Variants in GNG7 observed in about 807,000 individuals in gnomAD.
GNG7 encodes G protein subunit gamma 7.
Under a neutral mutation model 4.0 loss-of-function variants are expected in GNG7, and 1 was observed. That is an observed-to-expected ratio of 0.25 (90% CI 0.09 to 1.18). GNG7 has a LOEUF of 1.18. Among genes scored for constraint, GNG7 ranks in the 50% most tolerant of loss-of-function variants. GNG7 has a pLI of 0.50. For missense variants in GNG7, 86 were observed against 91.9 expected (o/e 0.94, Z 0.26); for synonymous variants, 34 against 36.9 (o/e 0.92, Z 0.29).
chr19:2,574,312 A>G (rs777387125), intron 2 of GNG7, among the ~76,000 whole-genome samples: 12 of 152,024 alleles, frequency 7.9e-5, no homozygotes, highest in Non-Finnish European at 1.5e-4. Context: ...TTGTGCCGCC[A>G]TCACCACCAT....
At position 2,546,100 on chromosome 19, in the gene GNG7, C is replaced by T. The variant is rs1029869215; in HGVS notation, c.-38+9049G>A. On this transcript the variant is annotated intron_variant, in intron 3 of 4. Transcript: ENST00000382159. The surrounding 1 kb of genome is among the most constrained non-coding windows in gnomAD (Gnocchi z 6.3). The stretch of plus-strand genomic sequence containing the variant: ...CCCCTGGCAGCTGGGATGCAGGCCC[C>T]CCACGGCCTGCCATGTTCTCACCAG... Among the ~76,000 whole-genome samples the T allele has an allele frequency of 6.6e-5, 10 of 152,240 alleles. No homozygotes were observed. The highest frequency in any genetic ancestry group is 3.9e-4 in the Admixed American group (6 of 15,286).
chr19:2,644,110 T>C (rs1252514856), intron 2 of GNG7, among the ~76,000 whole-genome samples: 2 of 151,838 alleles, frequency 1.3e-5, no homozygotes, highest in African/African-American at 4.8e-5. Flanking sequence ...AACCTCCGTC[T>C]CCCGCGTTCA....
rs1007614178 is a variant in GNG7, at chr19:2,549,157, G to A, written c.-38+5992C>T. ...CCCTGACTCCTGTGCCAACCCAACT[G>A]TGTCTGGCTCAACGCTCGACGCTCA... On this transcript the variant is annotated intron_variant, in intron 3 of 4. Transcript: ENST00000382159. Among the ~76,000 whole-genome samples the A allele has an allele frequency of 1.1e-4, 17 of 150,700 alleles. 1 individual carries two copies. Among genetic ancestry groups the A allele is most frequent in the African/African-American group, 4.1e-4 (17 of 41,354 alleles).
intron 2 of GNG7, among the ~76,000 whole-genome samples, chr19:2,621,266 G>A (rs1432120723): frequency 6.6e-6 from 1 of 152,176 alleles, no homozygotes; most frequent in East Asian, 1.9e-4. Context: ...GTCCACACCT[G>A]TGGTCCCAGC....
At chr19:2,534,027 G>A (rs894673734) in intron 3 of GNG7, among the ~76,000 whole-genome samples, 12 of 152,088 alleles carry the variant, frequency 7.9e-5, no homozygotes, top group African/African-American at 2.7e-4. Flanking sequence ...TTTTGGTCAC[G>A]GGATTCCAGT....
At chr19:2,550,431 G>A (rs967944778) in intron 3 of GNG7, among the ~76,000 whole-genome samples, 2 of 152,082 alleles carry the variant, frequency 1.3e-5, no homozygotes, top group African/African-American at 4.8e-5. Context: ...TCACCATGTT[G>A]TTCAGGCTGG....
chr19:2,532,621 A>G (rs988636273), intron 3 of GNG7, among the ~76,000 whole-genome samples: 2 of 152,222 alleles, frequency 1.3e-5, no homozygotes, highest in Non-Finnish European at 2.9e-5. Context: ...CACAGATTTC[A>G]GAATCCCTAG....
intron 2 of GNG7, among the ~76,000 whole-genome samples, chr19:2,568,023 G>A (rs1285053546): frequency 1.3e-5 from 2 of 152,082 alleles, no homozygotes; most frequent in African/African-American, 4.8e-5. Context: ...ACACGGGCAT[G>A]CAAGCACACA....
At chr19:2,651,954 C>T (rs915597601) in intron 1 of GNG7, among the ~76,000 whole-genome samples, 5 of 151,782 alleles carry the variant, frequency 3.3e-5, no homozygotes, top group South Asian at 2.1e-4. Context: ...GCAGGCAGAT[C>T]ACCTGAGGTC....
intron 2 of GNG7, among the ~76,000 whole-genome samples, chr19:2,586,504 C>T (rs1252569276): frequency 6.6e-6 from 1 of 152,202 alleles, no homozygotes; most frequent in Non-Finnish European, 1.5e-5. Flanking sequence ...CCCCCAAGAG[C>T]TCAGCTGAGG....
At chr19:2,696,292 GAGAAAGAA>G (rs796306243) in intron 1 of GNG7, among the ~76,000 whole-genome samples, 9,570 of 108,412 alleles carry the variant, frequency 0.088, 448 homozygotes, top group South Asian at 0.11. Context: ...AAGAGAGAGA[GAGAAAGAA>G]AGAAAGAAAG....
chr19:2,572,896 G>C (rs974540090), intron 2 of GNG7, among the ~76,000 whole-genome samples: 7 of 151,696 alleles, frequency 4.6e-5, no homozygotes, highest in African/African-American at 1.7e-4. Flanking sequence ...TGTGCTGGCT[G>C]AATTCCAGAA....
chr19:2,676,897 A>C (rs1444557432), intron 1 of GNG7, among the ~76,000 whole-genome samples: 1 of 152,100 alleles, frequency 6.6e-6, no homozygotes, highest in Non-Finnish European at 1.5e-5. Flanking sequence ...TGCCAGGAAG[A>C]AACAAGCCAC....
chr19:2,577,963 G>A (rs891770585), intron 2 of GNG7, among the ~76,000 whole-genome samples: 6 of 150,766 alleles, frequency 4.0e-5, no homozygotes, highest in Non-Finnish European at 8.8e-5. Flanking sequence ...TCAGCCCCTC[G>A]AGTAGCTGGG....
chr19:2,549,362 G>C (rs1979241050), intron 3 of GNG7, among the ~76,000 whole-genome samples: 1 of 151,506 alleles, frequency 6.6e-6, no homozygotes, highest in Non-Finnish European at 1.5e-5. Flanking sequence ...GCGGATCTCG[G>C]CTCACTGCAA....
chr19:2,517,893 C>T (rs531758854), intron 4 of GNG7, among the ~76,000 whole-genome samples: 160 of 152,304 alleles, frequency 1.1e-3, no homozygotes, highest in Admixed American at 2.1e-3. Flanking sequence ...CGGCCAGGAG[C>T]CTGTGGGACA....
At chr19:2,625,827 ACT>A (rs1382989501) in intron 2 of GNG7, among the ~76,000 whole-genome samples, 1 of 149,286 alleles carries the variant, frequency 6.7e-6, no homozygotes, top group Non-Finnish European at 1.5e-5. Flanking sequence ...GCGGAGTCTC[ACT>A]CTGTCGCCCA....
chr19:2,564,105 G>T (rs1979829121), intron 2 of GNG7, among the ~76,000 whole-genome samples: 1 of 152,160 alleles, frequency 6.6e-6, no homozygotes, highest in South Asian at 2.1e-4. Flanking sequence ...GAAAAAGAAT[G>T]TGTATTGAAT....
intron 2 of GNG7, among the ~76,000 whole-genome samples, chr19:2,622,409 G>A (rs905500504): frequency 2.6e-5 from 4 of 152,206 alleles, no homozygotes; most frequent in African/African-American, 7.2e-5. Context: ...CAAAGGGTGC[G>A]GGATAAGCCC....
Sources: gnomAD v4.1 joint callset for allele counts (sites outside exome capture counted in the v4.1 genomes callset) on GRCh38, gnomAD v4.1.1 for gene constraint, Gnocchi (gnomAD v3.1) non-coding constraint, MANE v1.5 for transcripts, NCBI Gene and HGNC (gene_info 2026-07-23, HGNC 2026-07-21) for gene names.